The following EPHA2 variants were observed in gnomAD, a reference collection of about 807,000 sequenced individuals.
The protein encoded by EPHA2 is EPH receptor A2.
Under a neutral mutation model 104.9 loss-of-function variants are expected in EPHA2, and 54 were observed. That is an observed-to-expected ratio of 0.51 (90% CI 0.41 to 0.65). The LOEUF is 0.65. EPHA2 is among the 30% of genes least tolerant of loss of function. EPHA2 has a pLI of 0.00. For synonymous variants in EPHA2, 560 were observed against 559.1 expected (o/e 1.00, Z -0.02); for missense variants, 1,117 against 1,369.5 (o/e 0.82, Z 2.91).
chr1:16,153,196 G>T (rs1464779586), intron 1 of EPHA2: 1 of 985,134 alleles, frequency 1.0e-6, no homozygotes, highest in African/African-American at 1.7e-5. Context: ...CATCTTTGTG[G>T]GTCCACATTG....
intron 3 of EPHA2, among the ~76,000 whole-genome samples, chr1:16,142,815 G>A (rs540774836): frequency 5.5e-5 from 8 of 146,186 alleles, no homozygotes; most frequent in Admixed American, 4.1e-4. Flanking sequence ...GGATGGATGC[G>A]GGATGGATAG....
intron 3 of EPHA2, among the ~76,000 whole-genome samples, chr1:16,140,008 C>G (rs2024792028): frequency 6.6e-6 from 1 of 152,220 alleles, no homozygotes. Flanking sequence ...CCCAAGCAAA[C>G]CTGCTAACTC....
chr1:16,135,949 C>T lies in EPHA2; in HGVS notation c.1313-179G>A, dbSNP rs929406648. The stretch of plus-strand genomic sequence containing the variant: ...GCAGTGGCATGATCTCGGCCCACTA[C>T]AGCTTTGAACTCCTGTGCTCAAGTG... On this transcript the variant is annotated intron_variant, in intron 5 of 16. Coordinates refer to ENST00000358432, the MANE Select transcript of EPHA2 (RefSeq NM_004431.5). This position sits in a 1 kb window ranked among gnomAD's most constrained non-coding sequence, Gnocchi z 4.3. Among the ~76,000 whole-genome samples the T allele has an allele frequency of 6.6e-6, 1 of 152,162 alleles. No homozygotes were observed. Among genetic ancestry groups the T allele is most frequent in the Non-Finnish European group, 1.5e-5 (1 of 68,034 alleles).
rs905204474 is a variant in EPHA2 at position 16,131,256 on chromosome 1, A to G, written c.2475+465T>C. On this transcript the variant is annotated intron_variant, in intron 14 of 16. Coordinates refer to ENST00000358432, the MANE Select transcript of EPHA2 (RefSeq NM_004431.5). The surrounding 1 kb of genome is among the most constrained non-coding windows in gnomAD (Gnocchi z 5.2). ...TCTGAATCAGCTCCTGGAACCCAGCACAAGGCCTGGCACGCAGTAGATCCT... is the reference window on the plus strand; with the variant it reads ...TCTGAATCAGCTCCTGGAACCCAGCGCAAGGCCTGGCACGCAGTAGATCCT... Among the ~76,000 whole-genome samples the G allele has an allele frequency of 6.6e-6, 1 of 152,080 alleles. No individual in the cohort carries two copies. Among genetic ancestry groups the G allele is most frequent in the Non-Finnish European group, 1.5e-5 (1 of 68,026 alleles).
At position 16,134,558 on chromosome 1, in the gene EPHA2, C is replaced by G; in HGVS notation, c.1592G>C (p.Gly531Ala). 1 of 1,614,054 alleles carries G rather than the reference C, an allele frequency of 6.2e-7. No homozygotes were observed. Among genetic ancestry groups the G allele is most frequent in the Non-Finnish European group, 8.5e-7 (1 of 1,180,000 alleles). The change falls in exon 8 of 17, where the codon GGA becomes GCA. Residue 531 changes from glycine to alanine, a missense_variant. Around this residue, in one of 3 missense-constraint regions of EPHA2, gnomAD observed 664 missense variants for 784.8 expected, o/e 0.85. Coordinates refer to ENST00000358432, the MANE Select transcript of EPHA2 (RefSeq NM_004431.5). This position sits in a 1 kb window ranked among gnomAD's most constrained non-coding sequence, Gnocchi z 4.5. ...GCCAATCACCGCCAAGTTGCCAGAT[C>G]CCTCCGGGGCTGGTGGAAGAAATCA... ...VHEFQTLSPE[G>A]SGNLAVIGGV...
Position 16,124,957 on chromosome 1 carries a change from A to G in EPHA2, c.*258T>C. ...AAGGCTGTGGCGGGGCTCCTGCTCC[A>G]GGGATGCTGGGACGTGGCGGTGCCT... On this transcript the variant is annotated 3_prime_UTR_variant, in exon 17 of 17. Transcript: ENST00000358432. The G allele has an allele frequency of 3.9e-6, 2 of 517,402 alleles. No homozygotes were observed. 32.1% of individuals were successfully genotyped at this position (517,402 alleles called of 1,614,324 possible).
chr1:16,149,791 A>G (rs1338737214), intron 2 of EPHA2, among the ~76,000 whole-genome samples: 1 of 152,202 alleles, frequency 6.6e-6, no homozygotes, highest in Non-Finnish European at 1.5e-5. Context: ...GGGCTCCCAC[A>G]TGAGATTCTG....
rs1266060878 is a variant in EPHA2, at chr1:16,125,583, C to T, written c.2826-263G>A. ...AAACGACAGAAGCCTCAACTCTGTA[C>T]GATGCTTTAAAAAAATAAAAATAAA... On this transcript the variant is annotated intron_variant, in intron 16 of 16. Transcript: ENST00000358432. The surrounding 1 kb of genome is among the most constrained non-coding windows in gnomAD (Gnocchi z 4.9). 6.6e-6 allele frequency among the ~76,000 whole-genome samples: 1 copy of T among 152,158 alleles called. No individual in the cohort carries two copies. The highest frequency in any genetic ancestry group is 2.1e-4 in the South Asian group (1 of 4,816).
intron 1 of EPHA2, chr1:16,153,177 CG>C (rs1299546039): frequency 8.1e-6 from 8 of 985,362 alleles, no homozygotes; most frequent in Non-Finnish European, 9.6e-6. Flanking sequence ...TGAGTTCCAC[CG>C]TAAGTGCCAT....
chr1:16,136,699 GA>G (rs1159398588), intron 5 of EPHA2, among the ~76,000 whole-genome samples: 1 of 90,228 alleles, frequency 1.1e-5, no homozygotes, highest in African/African-American at 9.6e-5. Context: ...AGAGGAAGAA[GA>G]AGAAGAAGAA....
chr1:16,147,127 G>A (rs1336969217), intron 3 of EPHA2, among the ~76,000 whole-genome samples: 2 of 152,182 alleles, frequency 1.3e-5, no homozygotes, highest in East Asian at 1.9e-4. Context: ...GGAGATTTCC[G>A]CTGTCACAGG....
chr1:16,134,919 G>T lies in EPHA2; in HGVS notation c.1582+117C>A. Reference sequence around the variant, plus strand: ...AGTCCCCGAAGGGCTGTCCCAGGCCGCCGGTGACCGAGAAAGGGGCATTTC... The same window carrying T: ...AGTCCCCGAAGGGCTGTCCCAGGCCTCCGGTGACCGAGAAAGGGGCATTTC... On this transcript the variant is annotated intron_variant, in intron 7 of 16. Coordinates refer to ENST00000358432, the MANE Select transcript of EPHA2 (RefSeq NM_004431.5). This position sits in a 1 kb window ranked among gnomAD's most constrained non-coding sequence, Gnocchi z 4.5. 1 of 1,512,840 alleles carries T rather than the reference G, an allele frequency of 6.6e-7. No individual in the cohort carries two copies. Among genetic ancestry groups the T allele is most frequent in the Non-Finnish European group, 9.0e-7 (1 of 1,117,306 alleles). The allele number at this position is 1,512,840 out of a possible 1,614,324, so 93.7% of individuals were successfully genotyped here.
chr1:16,150,878 C>A lies in EPHA2; in HGVS notation c.153+18G>T. ...AGCCCCATTCTCACACCTCTCCCCA[C>A]CCCGAAGGCTTACATACCCCTTTGC... On this transcript the variant is annotated intron_variant, in intron 2 of 16. Transcript: ENST00000358432. This position sits in a 1 kb window ranked among gnomAD's most constrained non-coding sequence, Gnocchi z 4.8. 1 of 1,614,064 alleles carries A rather than the reference C, an allele frequency of 6.2e-7. No homozygotes were observed. Among genetic ancestry groups the A allele is most frequent in the Non-Finnish European group, 8.5e-7 (1 of 1,179,954 alleles).
In EPHA2 at chr1:16,138,448, G is replaced by A. The variant is rs1348246251; in HGVS notation, c.824-18C>T. On this transcript the variant is annotated intron_variant, in intron 3 of 16. Transcript: ENST00000358432. The stretch of plus-strand genomic sequence containing the variant: ...CGAGCAGGCTGGTGGACACAGGACA[G>A]ACAGAGCACAAGGACATCAGTTCAA... 2 of 1,613,280 alleles carry A rather than the reference G, an allele frequency of 1.2e-6. No individual in the cohort carries two copies. The highest frequency in any genetic ancestry group is 1.1e-5 in the South Asian group (1 of 91,076).
intron 1 of EPHA2, among the ~76,000 whole-genome samples, chr1:16,154,424 C>G (rs1276482098): frequency 6.6e-6 from 1 of 152,050 alleles, no homozygotes; most frequent in Middle Eastern, 3.2e-3. Context: ...CAACACAGAA[C>G]AGCAAAACCT....
chr1:16,138,276 T>C lies in EPHA2; in HGVS notation c.978A>G (p.Thr326=). The change falls in exon 4 of 17, where the codon ACA becomes ACG. Residue 326 remains threonine, a splice_region_variant and synonymous_variant. Transcript: ENST00000358432. ...APQDPASMPC[T]RPPSAPHYLT... ...ACCCTGACCCACTGCAAGACTCACG[T>C]GTGCAAGGCATCGACGCTGGGTCCT... The C allele has an allele frequency of 6.2e-7, 1 of 1,613,460 alleles. No individual in the cohort carries two copies. Among genetic ancestry groups the C allele is most frequent in the Non-Finnish European group, 8.5e-7 (1 of 1,179,878 alleles).
Position 16,133,852 on chromosome 1 carries a change from C to T in EPHA2, c.1738+8G>A, listed in dbSNP as rs746783084. On this transcript the variant is annotated splice_region_variant and intron_variant, in intron 9 of 16. Transcript: ENST00000358432. The stretch of plus-strand genomic sequence containing the variant: ...AGGGCTGGGCCTGGAGCGGGGGCTG[C>T]GTCTCACCTGACTTGGAGAAGTAAA... The T allele has an allele frequency of 1.7e-5, 26 of 1,544,742 alleles. No individual in the cohort carries two copies. Among genetic ancestry groups the T allele is most frequent in the East Asian group, 9.8e-5 (4 of 40,850 alleles).
At chr1:16,132,517 T>A in intron 11 of EPHA2, 78 bp from the exon 12 acceptor site, 1 of 1,486,278 alleles carries the variant, frequency 6.7e-7, no homozygotes, top group Non-Finnish European at 9.2e-7. Flanking sequence ...TGGGGGAAGG[T>A]GGGCACAGGT....
intron 1 of EPHA2, chr1:16,153,079 G>C (rs189684126): frequency 1.0e-6 from 1 of 973,498 alleles, no homozygotes. Context: ...CTTAGGCTAA[G>C]CAGGGCTTAT....
Sources: allele counts gnomAD v4.1 joint callset (sites outside exome capture counted in the v4.1 genomes callset), GRCh38; gene constraint gnomAD v4.1.1; regional missense constraint gnomAD v4.1.1; non-coding constraint Gnocchi (gnomAD v3.1); transcripts MANE v1.5; gene names NCBI Gene and HGNC (gene_info 2026-07-23, HGNC 2026-07-21).